ZNF280D: variants seen among roughly 807,000 people sequenced by gnomAD.
ZNF280D encodes zinc finger protein 280D.
A neutral mutation model predicts 94.7 loss-of-function variants in ZNF280D; 39 were observed. That is an observed-to-expected ratio of 0.41 (90% CI 0.32 to 0.54). The LOEUF is 0.54. ZNF280D is among the 20% of genes least tolerant of loss of function. The probability of loss-of-function intolerance (pLI) is 0.22; values close to 1 mark genes in which losing one functional copy is unlikely to be tolerated. For missense variants in ZNF280D, 1,090 were observed against 1,149.3 expected (o/e 0.95, Z 0.75); for synonymous variants, 398 against 377.6 (o/e 1.05, Z -0.63).
At position 56,631,981 on chromosome 15, in the gene ZNF280D, A is replaced by G; in HGVS notation, c.2457T>C (p.Thr819=). The change falls in exon 22 of 22, where the codon ACT becomes ACC. Residue 819 remains threonine (T), a synonymous_variant. Coordinates refer to ENST00000267807, the MANE Select transcript of ZNF280D (RefSeq NM_017661.4). Reference sequence around the variant, plus strand: ...CACAACTGACGATGTTTTTTGAGCCAGTTTCCTGGTCTGCAAGACAGGTTT... The same window carrying G: ...CACAACTGACGATGTTTTTTGAGCCGGTTTCCTGGTCTGCAAGACAGGTTT... The part of the protein sequence containing the change: ...ENETCLADQE[T]GSKNIVSCDS... The G allele has an allele frequency of 6.2e-7, 1 of 1,614,076 alleles. No homozygotes were observed. The highest frequency in any genetic ancestry group is 8.5e-7 in the Non-Finnish European group (1 of 1,180,022).
intron 20 of ZNF280D, among the ~76,000 whole-genome samples, chr15:56,636,358 T>C (rs749909760): frequency 1.3e-5 from 2 of 152,128 alleles, no homozygotes; most frequent in Non-Finnish European, 2.9e-5. Flanking sequence ...CAGTCTACTA[T>C]TTAGTACATA....
intron 6 of ZNF280D, 137 bp downstream of exon 6, chr15:56,700,796 G>A (rs1173710204): frequency 1.3e-6 from 2 of 1,550,662 alleles, no homozygotes; most frequent in Admixed American, 3.9e-5. Flanking sequence ...AAAATATGGT[G>A]ACATTTTCTG....
chr15:56,719,941 T>C (rs1024491757), intron 1 of ZNF280D, among the ~76,000 whole-genome samples: 4 of 144,302 alleles, frequency 2.8e-5, no homozygotes, highest in East Asian at 4.1e-4. Context: ...CAGTGAGTCA[T>C]AATCTTTTTG....
intron 19 of ZNF280D, among the ~76,000 whole-genome samples, chr15:56,647,775 C>T (rs1268677223): frequency 6.6e-6 from 1 of 152,184 alleles, no homozygotes; most frequent in African/African-American, 2.4e-5. Context: ...AAGTGACCCA[C>T]CTGTCTTGGC....
chr15:56,669,387 A>T (rs1216703073), intron 13 of ZNF280D, among the ~76,000 whole-genome samples: 1 of 151,962 alleles, frequency 6.6e-6, no homozygotes, highest in Non-Finnish European at 1.5e-5. Context: ...AATAAATCTA[A>T]CCAGACATTT....
chr15:56,656,238 A>G (rs2053548485), intron 17 of ZNF280D, among the ~76,000 whole-genome samples: 1 of 152,338 alleles, frequency 6.6e-6, no homozygotes, highest in South Asian at 2.1e-4. Flanking sequence ...ACAGATACGT[A>G]ATAAATAGTT....
chr15:56,665,610 C>T (rs2054232017), intron 16 of ZNF280D, among the ~76,000 whole-genome samples: 1 of 149,018 alleles, frequency 6.7e-6, no homozygotes, highest in Admixed American at 6.8e-5. Context: ...GAAAGAGAAA[C>T]AGACTCCACT....
chr15:56,667,691 G>T (rs2054390270), intron 14 of ZNF280D, among the ~76,000 whole-genome samples: 1 of 152,116 alleles, frequency 6.6e-6, no homozygotes, highest in Non-Finnish European at 1.5e-5. Flanking sequence ...CAGTCAATAA[G>T]GAAGTCCTAT....
At chr15:56,637,721 CAG>C (rs1208422335) in intron 20 of ZNF280D, among the ~76,000 whole-genome samples, 1 of 152,004 alleles carries the variant, frequency 6.6e-6, no homozygotes, top group Non-Finnish European at 1.5e-5. Flanking sequence ...GGCATAAAAA[CAG>C]AAGTGTGTAA....
intron 1 of ZNF280D, among the ~76,000 whole-genome samples, chr15:56,708,469 G>A (rs372228467): frequency 3.1e-4 from 47 of 152,158 alleles, no homozygotes; most frequent in African/African-American, 1.0e-3. Flanking sequence ...CCAGGAACAC[G>A]GAATATTTTT....
chr15:56,638,595 C>T (rs1404032500), intron 20 of ZNF280D, among the ~76,000 whole-genome samples: 1 of 152,048 alleles, frequency 6.6e-6, no homozygotes, highest in Non-Finnish European at 1.5e-5. Flanking sequence ...CTAAGCTTGA[C>T]ATTAAAGAAA....
At chr15:56,663,654 T>G (rs116951136) in intron 16 of ZNF280D, among the ~76,000 whole-genome samples, 84 of 152,236 alleles carry the variant, frequency 5.5e-4, no homozygotes, top group Non-Finnish European at 9.4e-4. Context: ...CATATGACAC[T>G]AAGAGCTGTG....
At chr15:56,715,817 T>A (rs1452527405) in intron 1 of ZNF280D, among the ~76,000 whole-genome samples, 1 of 152,124 alleles carries the variant, frequency 6.6e-6, no homozygotes, top group African/African-American at 2.4e-5. Context: ...GAAGTGCACA[T>A]TTGGCCCTCC....
intron 20 of ZNF280D, among the ~76,000 whole-genome samples, chr15:56,636,216 A>G (rs2052344610): frequency 6.6e-6 from 1 of 152,192 alleles, no homozygotes; most frequent in African/African-American, 2.4e-5. Context: ...TAGAAACAGG[A>G]AAGTCATTGG....
rs778617295 is a variant in ZNF280D at position 56,647,510 on chromosome 15, C to A, written c.2214-4513G>T. Among the ~76,000 whole-genome samples the A allele has an allele frequency of 1.3e-5, 2 of 152,192 alleles. 1 individual carries two copies. The highest frequency in any genetic ancestry group is 4.2e-4 in the South Asian group (2 of 4,816). On this transcript the variant is annotated intron_variant, in intron 19 of 21. Coordinates refer to ENST00000267807, the MANE Select transcript of ZNF280D (RefSeq NM_017661.4). ...GCCTCTTGTGTATCTCATCCTTATACACAATTCCAACCACAACTTCTATTT... is the reference window on the plus strand; with the variant it reads ...GCCTCTTGTGTATCTCATCCTTATAAACAATTCCAACCACAACTTCTATTT...
chr15:56,672,126 C>T, intron 13 of ZNF280D, among the ~76,000 whole-genome samples: 1 of 152,090 alleles, frequency 6.6e-6, no homozygotes, highest in South Asian at 2.1e-4. Context: ...CATCAGCAAA[C>T]AAAGATAGTT....
At chr15:56,666,175 A>T (rs190134818) in intron 16 of ZNF280D, among the ~76,000 whole-genome samples, 8 of 152,118 alleles carry the variant, frequency 5.3e-5, no homozygotes, top group Admixed American at 4.6e-4. Context: ...AACCTATTCT[A>T]ATTTCATTAG....
Position 56,688,437 on chromosome 15 carries a change from C to G in ZNF280D, c.780+604G>C, listed in dbSNP as rs1466587333. ...ACCTGGGAGGTGGAGCTTGCAGTCCCCAGAGATCTGCCACTGCACTCCAGC... is the reference window on the plus strand; with the variant it reads ...ACCTGGGAGGTGGAGCTTGCAGTCCGCAGAGATCTGCCACTGCACTCCAGC... On this transcript the variant is annotated intron_variant, in intron 9 of 21. Coordinates refer to ENST00000267807, the MANE Select transcript of ZNF280D (RefSeq NM_017661.4). 6.0e-5 allele frequency among the ~76,000 whole-genome samples: 9 copies of G among 149,786 alleles called. No homozygotes were observed. In the South Asian group the frequency reaches 6.3e-4, roughly 11 times the overall value.
At chr15:56,635,387 T>C (rs561604701) in intron 20 of ZNF280D, 137 bp from the exon 21 acceptor site, 86 of 240,454 alleles carry the variant, frequency 3.6e-4, no homozygotes, top group African/African-American at 1.9e-3. Context: ...ATTTATTAAA[T>C]ATAAAATATA....
Sources: allele counts gnomAD v4.1 joint callset (sites outside exome capture counted in the v4.1 genomes callset), GRCh38; gene constraint gnomAD v4.1.1; transcripts MANE v1.5; gene names NCBI Gene and HGNC (gene_info 2026-07-23, HGNC 2026-07-21).